Variants in PODNL1 observed in about 807,000 individuals in gnomAD.
The protein encoded by PODNL1 is podocan like 1.
PODNL1 carries 50 observed loss-of-function variants against 45.1 expected under a neutral mutation model. The ratio of observed to expected loss-of-function variants is 1.11; its 90% CI spans 0.88 to 1.40. The LOEUF is 1.40. Among genes scored for constraint, PODNL1 ranks in the 40% most tolerant of loss-of-function variants. PODNL1 has a pLI of 0.00. For synonymous variants in PODNL1, 406 were observed against 372.5 expected, an observed-to-expected ratio of 1.09 and a Z score of -1.04; for missense variants, 788 against 793.3, an observed-to-expected ratio of 0.99 and a Z score of 0.08.
At chr19:13,953,133 C>T in exon 1 of PODNL1, 1 of 1,548,610 alleles carries the variant, frequency 6.5e-7, no homozygotes, top group Non-Finnish European at 8.7e-7. Context: ...GTGGGCCTCC[C>T]CATTGAAAGT....
chr19:13,942,128 C>T (rs1291215943), upstream of PODNL1, among the ~76,000 whole-genome samples: 1 of 152,122 alleles, frequency 6.6e-6, no homozygotes, highest in East Asian at 1.9e-4. Flanking sequence ...GAGTTCCGGG[C>T]AAGCCTCTTT....
At chr19:13,946,360 G>A (rs1197377113) in intron 1 of PODNL1, among the ~76,000 whole-genome samples, 1 of 151,864 alleles carries the variant, frequency 6.6e-6, no homozygotes, top group East Asian at 1.9e-4. Context: ...AACCTGGGAG[G>A]CAGAGGTTGC....
upstream of PODNL1, among the ~76,000 whole-genome samples, chr19:13,938,789 A>T (rs1032185453): frequency 6.6e-6 from 1 of 151,620 alleles, no homozygotes; most frequent in Non-Finnish European, 1.5e-5. Flanking sequence ...GCCGCCTGGA[A>T]GGAAATTACA....
Position 13,938,342 on chromosome 19 carries a change from G to T in PODNL1, c.-161C>A. ...AGCCTGTTCTCCCGGGGCTTTGGGGGAGCTGGCCCACCCCCTTCCCCGCCC... is the reference window on the plus strand; with the variant it reads ...AGCCTGTTCTCCCGGGGCTTTGGGGTAGCTGGCCCACCCCCTTCCCCGCCC... On this transcript the variant is annotated 5_prime_UTR_variant, in exon 1 of 10. Coordinates refer to ENST00000588872, the MANE Select transcript of PODNL1 (RefSeq NM_001370095.3). 2.8e-6 allele frequency: 4 copies of T among 1,424,306 alleles called. No individual in the cohort carries two copies. The highest frequency in any genetic ancestry group is 3.7e-6 in the Non-Finnish European group (4 of 1,087,032). 88.2% of individuals were successfully genotyped at this position (1,424,306 alleles called of 1,614,324 possible).
At chr19:13,942,555 T>C (rs1425309086), upstream of PODNL1, among the ~76,000 whole-genome samples, 1 of 152,200 alleles carries the variant, frequency 6.6e-6, no homozygotes, top group Non-Finnish European at 1.5e-5. Context: ...CAGTCCTGCC[T>C]GGTCCTGCCC....
In PODNL1 at chr19:13,934,364, G is replaced by A. The variant is rs549534457; in HGVS notation, c.541C>T (p.Pro181Ser). The change falls in exon 6 of 10, where the codon CCC (proline) becomes TCC (serine). Residue 181 changes from proline (P) to serine (S), a missense_variant. Physicochemically the swap from Pro to Ser is moderately conservative, Grantham distance 74 (BLOSUM62 -1). This residue lies in a region of PODNL1 where 762 missense variants were observed against 750.9 expected (regional missense o/e 1.01). Transcript: ENST00000588872. ...GCCTCGGAGCCGCGGAAGGCGTCGG[G>A]GGGCAGGCCAGCGTTGCTCAGCTGG... Reference protein sequence around the residue: ...NNQLSNAGLPPDAFRGSEAIA... With the variant: ...NNQLSNAGLPSDAFRGSEAIA... 3.2e-6 allele frequency: 5 copies of A among 1,555,550 alleles called. No individual in the cohort carries two copies. The African/African-American group carries it at 5.4e-5, about 17-fold the overall frequency.
intron 2 of PODNL1, 122 bp from the exon 3 acceptor site, chr19:13,936,582 T>A: frequency 1.4e-6 from 1 of 705,896 alleles, no homozygotes; most frequent in Admixed American, 2.3e-5. Flanking sequence ...CCACAGTTAA[T>A]CCCAAACACC....
At chr19:13,950,221 G>A (rs910142377) in intron 1 of PODNL1, among the ~76,000 whole-genome samples, 1 of 152,100 alleles carries the variant, frequency 6.6e-6, no homozygotes, top group African/African-American at 2.4e-5. Context: ...AGGCTGGAGT[G>A]CAGTGGCACC....
chr19:13,932,329 T>C, intron 8 of PODNL1: 2 of 515,338 alleles, frequency 3.9e-6, no homozygotes, highest in Non-Finnish European at 6.1e-6. Context: ...CTTGATTAAA[T>C]GAGTCAGTCA....
upstream of PODNL1, among the ~76,000 whole-genome samples, chr19:13,939,587 T>TA (rs1056160762): frequency 4.0e-5 from 6 of 151,388 alleles, no homozygotes; most frequent in East Asian, 1.9e-4. Context: ...AAAATAAATT[T>TA]AAAAAAAAAT....
intron 1 of PODNL1, among the ~76,000 whole-genome samples, chr19:13,945,424 G>A (rs1449815395): frequency 2.6e-5 from 4 of 152,058 alleles, no homozygotes; most frequent in Non-Finnish European, 1.5e-5. Flanking sequence ...GGAGGTGGAG[G>A]TGGAAGGATT....
At chr19:13,934,972 G>A (rs557548575) in intron 5 of PODNL1, among the ~76,000 whole-genome samples, 2 of 152,026 alleles carry the variant, frequency 1.3e-5, no homozygotes, top group African/African-American at 2.4e-5. Flanking sequence ...GTGCTTGTGT[G>A]TGCATGTGAT....
intron 5 of PODNL1, among the ~76,000 whole-genome samples, chr19:13,934,883 CTG>C (rs201972437): frequency 0.018 from 2,698 of 150,538 alleles, 89 homozygotes; most frequent in African/African-American, 0.063. Flanking sequence ...GAGTGTGCAA[CTG>C]TGTGTATGCA....
upstream of PODNL1, chr19:13,938,495 A>G (rs1321472524): frequency 8.3e-7 from 1 of 1,198,578 alleles, no homozygotes. Flanking sequence ...CCACAAGAAC[A>G]AGGAATGTTT....
At chr19:13,942,855 G>T (rs988270094), upstream of PODNL1, among the ~76,000 whole-genome samples, 2 of 151,680 alleles carry the variant, frequency 1.3e-5, no homozygotes, top group African/African-American at 2.4e-5. Flanking sequence ...AAAAAAATTA[G>T]CTGTGTATGG....
upstream of PODNL1, among the ~76,000 whole-genome samples, chr19:13,939,699 C>A (rs1972586135): frequency 6.6e-6 from 1 of 151,770 alleles, no homozygotes; most frequent in Non-Finnish European, 1.5e-5. Context: ...GCATCGAGCC[C>A]AACATGGTGA....
intron 1 of PODNL1, among the ~76,000 whole-genome samples, chr19:13,948,627 G>A (rs1029202318): frequency 1.3e-5 from 2 of 149,516 alleles, no homozygotes; most frequent in African/African-American, 4.9e-5. Flanking sequence ...TCTGCACATA[G>A]CAGTCATAAT....
intron 1 of PODNL1, among the ~76,000 whole-genome samples, chr19:13,951,844 G>A (rs1424651563): frequency 2.0e-5 from 3 of 152,166 alleles, no homozygotes; most frequent in Non-Finnish European, 4.4e-5. Context: ...TATTTTTATT[G>A]CTATGATCTG....
At chr19:13,934,684 G>A (rs1382116690) in intron 5 of PODNL1, among the ~76,000 whole-genome samples, 1 of 151,964 alleles carries the variant, frequency 6.6e-6, no homozygotes, top group East Asian at 1.9e-4. Flanking sequence ...TGCATATGTG[G>A]AGTGTGTGTG....
Sources: gnomAD v4.1 joint callset for allele counts (sites outside exome capture counted in the v4.1 genomes callset) on GRCh38, gnomAD v4.1.1 for gene constraint, gnomAD v4.1.1 regional missense constraint, MANE v1.5 for transcripts, NCBI Gene and HGNC (gene_info 2026-07-23, HGNC 2026-07-21) for gene names.